Variants in DENND4C observed in about 807,000 individuals in gnomAD.
DENND4C encodes DENN domain-containing protein 4C.
A neutral mutation model predicts 203.0 loss-of-function variants in DENND4C; 108 were observed. The observed-to-expected ratio is 0.53, with a 90% CI of 0.46 to 0.62. The LOEUF (loss-of-function observed/expected upper bound fraction) is 0.62. Among genes scored for constraint, DENND4C ranks in the 20% least tolerant of loss-of-function variants. DENND4C has a pLI of 0.00. For synonymous variants in DENND4C, 871 were observed against 792.4 expected (o/e 1.10, Z -1.67); for missense variants, 2,481 against 2,301.2 (o/e 1.08, Z -1.60).
At chr9:19,308,994 A>G (rs1249666170) in intron 10 of DENND4C, among the ~76,000 whole-genome samples, 1 of 152,240 alleles carries the variant, frequency 6.6e-6, no homozygotes, top group South Asian at 2.1e-4. Context: ...TTATAATTCA[A>G]TGAAATGTCC....
At chr9:19,351,606 A>G (rs891143375) in intron 24 of DENND4C, among the ~76,000 whole-genome samples, 1 of 152,162 alleles carries the variant, frequency 6.6e-6, no homozygotes, top group Non-Finnish European at 1.5e-5. Flanking sequence ...CAGGAGTTCA[A>G]GACCAGCCTG....
chr9:19,281,137 C>G (rs1833970094), intron 2 of DENND4C, among the ~76,000 whole-genome samples: 1 of 152,142 alleles, frequency 6.6e-6, no homozygotes, highest in Non-Finnish European at 1.5e-5. Context: ...ATTGTTGTTG[C>G]TTGTGATACA....
chr9:19,270,432 G>T (rs1831410750), intron 1 of DENND4C, among the ~76,000 whole-genome samples: 2 of 152,100 alleles, frequency 1.3e-5, no homozygotes, highest in African/African-American at 2.4e-5. Context: ...GGAACTTTAG[G>T]AATCTACTTG....
At chr9:19,276,088 C>A (rs754323903) in intron 1 of DENND4C, 70 bp from the exon 2 acceptor site, 1 of 762,654 alleles carries the variant, frequency 1.3e-6, no homozygotes, top group Non-Finnish European at 1.8e-6. Flanking sequence ...ATTGTTAACT[C>A]AAGGATATAT....
In DENND4C at chr9:19,272,922, T is replaced by C. The variant is rs1046948055; in HGVS notation, c.-17-3236T>C. Among the ~76,000 whole-genome samples, 348 of 147,304 alleles carry C rather than the reference T, an allele frequency of 2.4e-3. 4 individuals are homozygous for C. The highest frequency in any genetic ancestry group is 8.1e-3 in the African/African-American group (320 of 39,264). Reference sequence around the variant, plus strand: ...AGCTGGGATTTCAGGCACATGCCACTACGCCTGGCTAATTTTTGTATCCTT... The same window carrying C: ...AGCTGGGATTTCAGGCACATGCCACCACGCCTGGCTAATTTTTGTATCCTT... On this transcript the variant is annotated intron_variant, in intron 1 of 32. Coordinates refer to ENST00000434457, the MANE Select transcript of DENND4C (RefSeq NM_001330640.2).
At chr9:19,300,769 G>T (rs1838394803) in intron 9 of DENND4C, among the ~76,000 whole-genome samples, 1 of 152,156 alleles carries the variant, frequency 6.6e-6, no homozygotes, top group South Asian at 2.1e-4. Flanking sequence ...TGTGAAATAG[G>T]ATAATATACA....
At chr9:19,240,920 G>A (rs1307119427) in intron 1 of DENND4C, among the ~76,000 whole-genome samples, 1 of 152,110 alleles carries the variant, frequency 6.6e-6, no homozygotes, top group African/African-American at 2.4e-5. Flanking sequence ...CCGAGATCAC[G>A]CCACTGCACT....
chr9:19,248,814 T>G (rs1394929617), intron 1 of DENND4C, among the ~76,000 whole-genome samples: 3 of 152,026 alleles, frequency 2.0e-5, no homozygotes, highest in Admixed American at 2.0e-4. Flanking sequence ...TTTTTTTTTT[T>G]TGAGACCAAG....
chr9:19,288,233 G>T (rs1835605550), intron 3 of DENND4C, among the ~76,000 whole-genome samples: 1 of 152,222 alleles, frequency 6.6e-6, no homozygotes, highest in Non-Finnish European at 1.5e-5. Context: ...AGACAGGGTT[G>T]CCTCTGGAGG....
At chr9:19,233,599 C>T (rs1278566206) in intron 1 of DENND4C, among the ~76,000 whole-genome samples, 1 of 132,016 alleles carries the variant, frequency 7.6e-6, no homozygotes, top group Non-Finnish European at 1.5e-5. Flanking sequence ...CTCGCTTCGT[C>T]ACCCAAGCTG....
intron 1 of DENND4C, among the ~76,000 whole-genome samples, chr9:19,270,580 T>A (rs1831441438): frequency 1.3e-5 from 2 of 152,252 alleles, no homozygotes; most frequent in South Asian, 2.1e-4. Context: ...ATCACATTTT[T>A]AAAAATCCAT....
chr9:19,256,177 A>G (rs1258457266), intron 1 of DENND4C, among the ~76,000 whole-genome samples: 4 of 152,130 alleles, frequency 2.6e-5, no homozygotes, highest in Non-Finnish European at 4.4e-5. Context: ...TTCTCTGACC[A>G]TAAGGCATTT....
Position 19,346,814 on chromosome 9 carries a change from G to A in DENND4C, c.4045G>A (p.Val1349Met), listed in dbSNP as rs761503516. Residue 1349 changes from valine (V) to methionine (M), a missense_variant, in exon 23 of 33, where the codon GTG (valine) becomes ATG (methionine). Around this residue, in one of 3 missense-constraint regions of DENND4C, gnomAD observed 2,289 missense variants for 2,113.3 expected, o/e 1.08. Transcript: ENST00000434457. ...NPESEKSSPA[V>M]SRSKTFTGRF... The stretch of plus-strand genomic sequence containing the variant: ...TGAAAGTGAAAAGAGCTCACCTGCA[G>A]TGTCCAGGTCTAAAACTTTTACTGG... 1.9e-6 allele frequency: 3 copies of A among 1,614,214 alleles called. No homozygotes were observed. The highest frequency in any genetic ancestry group is 2.2e-5 in the East Asian group (1 of 44,880).
intron 16 of DENND4C, among the ~76,000 whole-genome samples, chr9:19,331,426 C>T (rs1034656991): frequency 6.6e-6 from 1 of 152,094 alleles, no homozygotes; most frequent in Non-Finnish European, 1.5e-5. Flanking sequence ...TGGTCTTGAT[C>T]TCCTGACCTC....
At chr9:19,316,345 G>A (rs763354523) in intron 10 of DENND4C, 72 bp from the exon 11 acceptor site, 15 of 1,194,782 alleles carry the variant, frequency 1.3e-5, no homozygotes, top group Non-Finnish European at 1.7e-5. Context: ...GTTTTAGGTT[G>A]ATGCAAGAAT....
chr9:19,265,351 G>T (rs1423571813), intron 1 of DENND4C, among the ~76,000 whole-genome samples: 1 of 152,036 alleles, frequency 6.6e-6, no homozygotes, highest in African/African-American at 2.4e-5. Context: ...TCTCTTCATT[G>T]ACCCAGTGGT....
At chr9:19,273,628 G>T (rs573793101) in intron 1 of DENND4C, among the ~76,000 whole-genome samples, 9 of 152,000 alleles carry the variant, frequency 5.9e-5, no homozygotes, top group African/African-American at 2.2e-4. Context: ...GATTTGAACA[G>T]AAATTTCCCC....
chr9:19,304,671 G>T (rs1839296158), intron 9 of DENND4C, among the ~76,000 whole-genome samples: 1 of 151,578 alleles, frequency 6.6e-6, no homozygotes, highest in Non-Finnish European at 1.5e-5. Context: ...CGAGTAGCTG[G>T]GACTATAGGG....
chr9:19,300,009 G>A (rs1474120489), intron 8 of DENND4C, among the ~76,000 whole-genome samples, 178 bp from the exon 9 acceptor site: 2 of 152,148 alleles, frequency 1.3e-5, no homozygotes, highest in Non-Finnish European at 2.9e-5. Flanking sequence ...ATTACCAGAG[G>A]ATGAGTTTAA....
Sources: gnomAD v4.1 joint callset for allele counts (sites outside exome capture counted in the v4.1 genomes callset) on GRCh38, gnomAD v4.1.1 for gene constraint, gnomAD v4.1.1 regional missense constraint, MANE v1.5 for transcripts, NCBI Gene and HGNC (gene_info 2026-07-23, HGNC 2026-07-21) for gene names.